SGK3: variants seen among roughly 807,000 people sequenced by gnomAD.
SGK3 encodes the protein serine/threonine-protein kinase Sgk3.
Under a neutral mutation model 68.5 loss-of-function variants are expected in SGK3, and 47 were observed. The observed-to-expected ratio is 0.69, with a 90% CI of 0.54 to 0.87. The LOEUF is 0.87. Ranked by LOEUF, SGK3 falls within the 40% of genes least tolerant of loss-of-function variation. The pLI is 0.00. For synonymous variants in SGK3, 181 were observed against 189.1 expected (o/e 0.96, Z 0.35); for missense variants, 479 against 575.5 (o/e 0.83, Z 1.72).
chr8:66,744,491 ATATATATATATATATATATATATATATAT>A (rs1805572376), intron 1 of SGK3, among the ~76,000 whole-genome samples: 2 of 18,570 alleles, frequency 1.1e-4, no homozygotes, highest in Non-Finnish European at 2.0e-4. Context: ...GTGTATATAT[ATATATATATATATATATATATATATATAT>A]TTTTTTTTTT....
At chr8:66,777,089 GGCT>G (rs1806744023) in intron 1 of SGK3, among the ~76,000 whole-genome samples, 1 of 152,148 alleles carries the variant, frequency 6.6e-6, no homozygotes, top group African/African-American at 2.4e-5. Context: ...GTCACAATGT[GGCT>G]GCTAAGTTCA....
chr8:66,770,849 G>A (rs1204173529), intron 1 of SGK3, among the ~76,000 whole-genome samples: 1 of 152,046 alleles, frequency 6.6e-6, no homozygotes, highest in African/African-American at 2.4e-5. Flanking sequence ...TGTTCTCCCT[G>A]GATTCATAGC....
chr8:66,790,957 T>G (rs1442816128), intron 1 of SGK3: 1 of 152,198 alleles, frequency 6.6e-6, no homozygotes, highest in Non-Finnish European at 1.5e-5. Context: ...TTGGTACCAG[T>G]TAACTGCATC....
At chr8:66,773,745 G>T (rs908083831) in intron 1 of SGK3, among the ~76,000 whole-genome samples, 5 of 152,096 alleles carry the variant, frequency 3.3e-5, no homozygotes, top group Non-Finnish European at 7.3e-5. Context: ...TGGACAAACT[G>T]GACAGAGGGA....
intron 4 of SGK3, among the ~76,000 whole-genome samples, chr8:66,804,686 A>G (rs1341340417): frequency 6.6e-6 from 1 of 152,140 alleles, no homozygotes; most frequent in African/African-American, 2.4e-5. Flanking sequence ...CACTATTTTT[A>G]TAGATAAGGA....
chr8:66,822,257 T>C (rs1808870340), intron 5 of SGK3, 115 bp from the exon 6 acceptor site: 12 of 886,800 alleles, frequency 1.4e-5, no homozygotes, highest in Admixed American at 3.0e-5. Context: ...GATTCTGTTT[T>C]ACTTTCTTAC....
chr8:66,752,028 G>A (rs1178752619), intron 1 of SGK3, among the ~76,000 whole-genome samples: 1 of 152,090 alleles, frequency 6.6e-6, no homozygotes, highest in Non-Finnish European at 1.5e-5. Flanking sequence ...GCCTCCCAAA[G>A]TGCTGGGATT....
rs544405874 is a variant in SGK3, at chr8:66,827,677, T to G, written c.418-977T>G. ...AGTTAAAATTAGAGCTAATTATTAA[T>G]GAACTAGAATCTTTTATTACTTAAA... On this transcript the variant is annotated intron_variant, in intron 6 of 16. Transcript: ENST00000521198. 1.3e-4 allele frequency among the ~76,000 whole-genome samples: 20 copies of G among 152,290 alleles called. No individual in the cohort carries two copies. The East Asian group carries it at 3.9e-3, about 29-fold the overall frequency.
chr8:66,852,277 C>CTTTTTT (rs1204346785), intron 16 of SGK3, among the ~76,000 whole-genome samples: 8 of 107,196 alleles, frequency 7.5e-5, no homozygotes, highest in East Asian at 6.4e-4. Context: ...TTAAGGAATC[C>CTTTTTT]TTTTTTTTTT....
intron 1 of SGK3, among the ~76,000 whole-genome samples, chr8:66,721,225 A>ATCCATCCCCT (rs1804785531): frequency 6.6e-6 from 1 of 152,154 alleles, no homozygotes; most frequent in Non-Finnish European, 1.5e-5. Flanking sequence ...ACATCTCTCC[A>ATCCATCCCCT]TCCATCCCCT....
intron 1 of SGK3, among the ~76,000 whole-genome samples, chr8:66,777,466 C>G (rs1806758132): frequency 6.6e-6 from 1 of 152,154 alleles, no homozygotes; most frequent in South Asian, 2.1e-4. Context: ...TCATTTTGCC[C>G]TATTTTCCCC....
At chr8:66,787,570 C>T (rs10113298) in intron 1 of SGK3, among the ~76,000 whole-genome samples, 13,410 of 152,100 alleles carry the variant, frequency 0.088, 838 homozygotes, top group Non-Finnish European at 0.14. Flanking sequence ...AGGGGAAGGC[C>T]AAATTGTTGA....
At chr8:66,800,434 G>A (rs1221083956) in intron 3 of SGK3, among the ~76,000 whole-genome samples, 2 of 140,622 alleles carry the variant, frequency 1.4e-5, no homozygotes, top group Admixed American at 7.5e-5. Flanking sequence ...TGTGCACAAC[G>A]TGCAGGTTTG....
chr8:66,767,566 A>T lies in SGK3; in HGVS notation c.-121-26050A>T, dbSNP rs147116425. The T allele has an allele frequency of 4.1e-4, 599 of 1,452,002 alleles. 2 individuals are homozygous for T. In the African/African-American group the frequency reaches 7.1e-3, roughly 17 times the overall value. The allele number at this position is 1,452,002 out of a possible 1,614,324, so 89.9% of individuals were successfully genotyped here. A position where few individuals can be genotyped will look rare whatever the true frequency, so the allele number is the denominator to read the frequency against. ...AAGCTCTCTCTCCTCATCAAGTATC[A>T]TGAGAGGCACTTCACTCAAGGGGAG... On this transcript the variant is annotated intron_variant, in intron 1 of 16. Transcript: ENST00000521198.
rs71249407 is a variant in SGK3, at chr8:66,786,925, C to CTTTTT, written c.-121-6665_-121-6661dup. Among the ~76,000 whole-genome samples the CTTTTT allele has an allele frequency of 1.0e-3, 50 of 48,696 alleles. 1 individual carries two copies. Among genetic ancestry groups the CTTTTT allele is most frequent in the African/African-American group, 1.7e-3 (20 of 12,052 alleles). 31.9% of individuals were successfully genotyped at this position (48,696 alleles called of 152,430 possible). A position where few individuals can be genotyped will look rare whatever the true frequency, so the allele number is the denominator to read the frequency against. ...TCTGTGAGGGTAGGATTTTCTCTGT[C>CTTTTT]TTTTTTTTTTTTTTTTTTTTTTTTT... On this transcript the variant is annotated intron_variant, in intron 1 of 16. Coordinates refer to ENST00000521198, the MANE Select transcript of SGK3 (RefSeq NM_001033578.3).
At chr8:66,819,418 A>C (rs1056560736) in intron 5 of SGK3, among the ~76,000 whole-genome samples, 1 of 152,228 alleles carries the variant, frequency 6.6e-6, no homozygotes, top group African/African-American at 2.4e-5. Flanking sequence ...ACTATGCACA[A>C]AGATTGTCAA....
intron 1 of SGK3, among the ~76,000 whole-genome samples, chr8:66,726,839 T>C (rs1243417121): frequency 2.9e-5 from 4 of 138,160 alleles, no homozygotes; most frequent in Non-Finnish European, 4.5e-5. Context: ...AAAAGCTGAT[T>C]GTGTTAAATC....
At chr8:66,744,531 T>TTGTTGTTG (rs1554593824) in intron 1 of SGK3, among the ~76,000 whole-genome samples, 2 of 107,700 alleles carry the variant, frequency 1.9e-5, no homozygotes, top group African/African-American at 7.6e-5. Context: ...TTTTTTTTTT[T>TTGTTGTTG]TTTTTTTTTT....
intron 1 of SGK3, among the ~76,000 whole-genome samples, chr8:66,747,273 A>G (rs899078453): frequency 6.6e-6 from 1 of 152,128 alleles, no homozygotes; most frequent in Admixed American, 6.6e-5. Flanking sequence ...CCCTAACCTC[A>G]TTTTAATGGT....
Sources: allele counts gnomAD v4.1 joint callset (sites outside exome capture counted in the v4.1 genomes callset), GRCh38; gene constraint gnomAD v4.1.1; transcripts MANE v1.5; gene names NCBI Gene and HGNC (gene_info 2026-07-23, HGNC 2026-07-21).